Variants in ANO5 observed in about 807,000 individuals in gnomAD.
ANO5 encodes anoctamin-5.
In ANO5, 109 loss-of-function variants were observed where a neutral mutation model predicts 121.0. The ratio of observed to expected loss-of-function variants is 0.90; its 90% CI spans 0.77 to 1.06. ANO5 has a LOEUF of 1.06. ANO5 is among the 50% of genes least tolerant of loss of function. The probability of loss-of-function intolerance (pLI) is 0.00; values close to 1 mark genes in which losing one functional copy is unlikely to be tolerated. For synonymous variants in ANO5, 406 were observed against 359.9 expected (o/e 1.13, Z -1.45); for missense variants, 1,064 against 1,078.5 (o/e 0.99, Z 0.19).
intron 5 of ANO5, among the ~76,000 whole-genome samples, chr11:22,221,855 T>C (rs1211671548): frequency 6.6e-6 from 1 of 151,988 alleles, no homozygotes; most frequent in African/African-American, 2.4e-5. Flanking sequence ...CATTTACTTA[T>C]GTACTTACAA....
At chr11:22,253,880 G>A (rs1853908054) in intron 12 of ANO5, among the ~76,000 whole-genome samples, 1 of 152,108 alleles carries the variant, frequency 6.6e-6, no homozygotes, top group Admixed American at 6.6e-5. Flanking sequence ...GAGTGGAATT[G>A]TGGTTACCAG....
At chr11:22,252,171 G>A (rs1355560874) in intron 12 of ANO5, among the ~76,000 whole-genome samples, 1 of 151,132 alleles carries the variant, frequency 6.6e-6, no homozygotes, top group Non-Finnish European at 1.5e-5. Flanking sequence ...GTGGTCTGAA[G>A]AGAGCAGCCT....
chr11:22,225,851 G>A (rs1362288983), intron 5 of ANO5, 133 bp from the exon 6 acceptor site: 4 of 670,700 alleles, frequency 6.0e-6, no homozygotes, highest in Non-Finnish European at 2.7e-6. Context: ...TTCAGATGGA[G>A]CATTTTTATA....
intron 17 of ANO5, among the ~76,000 whole-genome samples, chr11:22,268,104 G>A (rs910856131): frequency 1.3e-5 from 2 of 152,048 alleles, no homozygotes; most frequent in African/African-American, 4.8e-5. Context: ...TTGATATCTG[G>A]TGGGGCAACA....
chr11:22,242,898 T>G (rs1000260142), intron 9 of ANO5, among the ~76,000 whole-genome samples: 3 of 152,072 alleles, frequency 2.0e-5, no homozygotes, highest in African/African-American at 7.2e-5. Context: ...TTATTTTTTT[T>G]CTCTTGCCTG....
At chr11:22,192,891 C>T (rs559452657), upstream of ANO5, 12 of 789,688 alleles carry the variant, frequency 1.5e-5, no homozygotes, top group Non-Finnish European at 1.8e-5. Context: ...GTGCGGGAGG[C>T]GGCAGAGCAG....
intron 1 of ANO5, among the ~76,000 whole-genome samples, chr11:22,196,204 T>C (rs1851805423): frequency 6.6e-6 from 1 of 152,206 alleles, no homozygotes; most frequent in Non-Finnish European, 1.5e-5. Context: ...TATTGGCATC[T>C]GACAAGGACC....
Position 22,259,707 on chromosome 11 carries a change from T to C in ANO5, c.1596T>C (p.Phe532=). The C allele has an allele frequency of 6.2e-7, 1 of 1,613,944 alleles. No homozygotes were observed. The change falls in exon 15 of 22, where the codon TTT becomes TTC. Residue 532 remains phenylalanine, a synonymous_variant. Coordinates refer to ENST00000324559, the MANE Select transcript of ANO5 (RefSeq NM_213599.3). ...NFIVILILNF[F]YEKISAWITK... ...TTGTCATCTTGATCTTGAATTTCTT[T>C]TATGAAAAGATATCTGCCTGGATCA...
chr11:22,199,329 G>A (rs1851897425), intron 1 of ANO5, among the ~76,000 whole-genome samples: 1 of 152,116 alleles, frequency 6.6e-6, no homozygotes, highest in South Asian at 2.1e-4. Context: ...AACATTATGA[G>A]ATAGACATAC....
chr11:22,275,594 T>C (rs1210760684), intron 20 of ANO5, among the ~76,000 whole-genome samples: 1 of 151,810 alleles, frequency 6.6e-6, no homozygotes, highest in Non-Finnish European at 1.5e-5. Context: ...AAGTTGAACA[T>C]TAAGAAAACT....
At chr11:22,226,929 T>G (rs1353442053) in intron 6 of ANO5, among the ~76,000 whole-genome samples, 1 of 152,128 alleles carries the variant, frequency 6.6e-6, no homozygotes, top group Non-Finnish European at 1.5e-5. Context: ...TAAGTAAAAT[T>G]TTGAGCTTAT....
intron 9 of ANO5, among the ~76,000 whole-genome samples, chr11:22,241,222 A>C (rs181307633): frequency 2.6e-4 from 2 of 7,606 alleles, no homozygotes; most frequent in African/African-American, 3.8e-3. Context: ...CCTTATGTCT[A>C]TGTGTATTCA....
intron 17 of ANO5, among the ~76,000 whole-genome samples, chr11:22,268,569 T>C (rs1854455401): frequency 6.6e-6 from 1 of 152,252 alleles, no homozygotes; most frequent in African/African-American, 2.4e-5. Context: ...ACATCACTGT[T>C]AATAATCACA....
intron 20 of ANO5, among the ~76,000 whole-genome samples, chr11:22,275,469 G>A (rs949113951): frequency 2.0e-5 from 3 of 151,920 alleles, no homozygotes; most frequent in Admixed American, 6.6e-5. Flanking sequence ...ATAGCCTAAT[G>A]TGTTTAAGAG....
At chr11:22,257,248 C>T (rs900099337) in intron 13 of ANO5, among the ~76,000 whole-genome samples, 1 of 152,056 alleles carries the variant, frequency 6.6e-6, no homozygotes, top group African/African-American at 2.4e-5. Flanking sequence ...TGTGGAAGAA[C>T]ACAGTTTATC....
At chr11:22,273,223 C>G (rs757485482) in intron 19 of ANO5, among the ~76,000 whole-genome samples, 3 of 152,024 alleles carry the variant, frequency 2.0e-5, no homozygotes, top group Middle Eastern at 3.2e-3. Flanking sequence ...CACAGTTTCA[C>G]AGCATGTGAC....
In ANO5 at chr11:22,250,378, G is replaced by A; in HGVS notation, c.1013+7G>A. On this transcript the variant is annotated splice_region_variant and intron_variant, in intron 10 of 21. Coordinates refer to ENST00000324559, the MANE Select transcript of ANO5 (RefSeq NM_213599.3). ...TGGAACATAACACAAGCAGGTAAGT[G>A]CACCTGAGTTGCCCAGATAGAGAAA... The A allele has an allele frequency of 1.9e-6, 3 of 1,613,368 alleles. No homozygotes were observed. Among genetic ancestry groups the A allele is most frequent in the Non-Finnish European group, 2.5e-6 (3 of 1,179,638 alleles).
At chr11:22,243,489 G>T (rs1044112858) in intron 9 of ANO5, among the ~76,000 whole-genome samples, 2 of 151,972 alleles carry the variant, frequency 1.3e-5, no homozygotes, top group Non-Finnish European at 1.5e-5. Flanking sequence ...CAGCAGGGTT[G>T]TTACAAGTTC....
chr11:22,213,754 G>A (rs760290719), intron 3 of ANO5, among the ~76,000 whole-genome samples: 44 of 151,788 alleles, frequency 2.9e-4, no homozygotes, highest in Admixed American at 9.2e-4. Context: ...TTTGTGTGTC[G>A]GGGAGATCTT....
Sources: gnomAD v4.1 joint callset for allele counts (sites outside exome capture counted in the v4.1 genomes callset) on GRCh38, gnomAD v4.1.1 for gene constraint, MANE v1.5 for transcripts, NCBI Gene and HGNC (gene_info 2026-07-23, HGNC 2026-07-21) for gene names.